The following ATAD2B variants were observed in gnomAD, a reference collection of about 807,000 sequenced individuals.
ATAD2B encodes ATPase family AAA domain-containing protein 2B.
A neutral mutation model predicts 167.6 loss-of-function variants in ATAD2B; 40 were observed. The observed-to-expected ratio is 0.24, with a 90% CI of 0.19 to 0.31. The LOEUF is 0.31. ATAD2B is among the 10% of genes least tolerant of loss of function. The pLI, the probability that ATAD2B is intolerant of heterozygous loss-of-function variation, is 1.00. For missense variants in ATAD2B, 1,242 were observed against 1,757.2 expected (o/e 0.71, Z 5.24); for synonymous variants, 579 against 596.5 (o/e 0.97, Z 0.43).
At chr2:23,799,585 AAAAAG>A (rs1485337280) in intron 18 of ATAD2B, among the ~76,000 whole-genome samples, 168 of 146,910 alleles carry the variant, frequency 1.1e-3, no homozygotes, top group Non-Finnish European at 1.4e-3. Flanking sequence ...AAAAAAAAAA[AAAAAG>A]AAAAGAAAAA....
At chr2:23,693,761 C>CT in the ATAD2B span, among the ~76,000 whole-genome samples, 1 of 152,232 alleles carries the variant, frequency 6.6e-6, no homozygotes, top group Non-Finnish European at 1.5e-5. Context: ...CACCTGCACT[C>CT]TGCAGGGAGA....
chr2:23,712,612 A>G, the ATAD2B span, among the ~76,000 whole-genome samples: 1 of 152,182 alleles, frequency 6.6e-6, no homozygotes, highest in East Asian at 1.9e-4. Context: ...AGGGAATATC[A>G]TGACCTTGGT....
At chr2:23,808,735 G>C (rs1463463715) in intron 18 of ATAD2B, among the ~76,000 whole-genome samples, 1 of 151,992 alleles carries the variant, frequency 6.6e-6, no homozygotes, top group Non-Finnish European at 1.5e-5. Flanking sequence ...ATCTCTCAAT[G>C]TCTAACTGAA....
At chr2:23,875,978 G>C in intron 7 of ATAD2B, 74 bp from the exon 8 acceptor site, 6 of 1,119,276 alleles carry the variant, frequency 5.4e-6, no homozygotes, top group Non-Finnish European at 7.8e-6. Flanking sequence ...GAGTAGAAAT[G>C]ACTTCTGCTC....
At chr2:23,690,518 A>G in the ATAD2B span, 1 of 152,294 alleles carries the variant, frequency 6.6e-6, no homozygotes, top group East Asian at 1.9e-4. Context: ...CGTCACAAGC[A>G]TCTTGCCCTG....
At chr2:23,727,462 G>A in the ATAD2B span, among the ~76,000 whole-genome samples, 1 of 152,194 alleles carries the variant, frequency 6.6e-6, no homozygotes, top group Non-Finnish European at 1.5e-5. Flanking sequence ...CACTGTTGGT[G>A]AGAATGCAAA....
At chr2:23,770,790 T>G (rs539567978) in intron 22 of ATAD2B, among the ~76,000 whole-genome samples, 8 of 152,338 alleles carry the variant, frequency 5.3e-5, no homozygotes, top group African/African-American at 1.2e-4. Flanking sequence ...TCCAGCTGTT[T>G]TTATTTTCCA....
At chr2:23,765,452 T>G in intron 23 of ATAD2B, 54 bp downstream of exon 23, 1 of 1,437,848 alleles carries the variant, frequency 7.0e-7, no homozygotes, top group Non-Finnish European at 9.3e-7. Context: ...CAAGTACTCT[T>G]GGCCTGAACA....
At chr2:23,701,033 T>TCTGA in the ATAD2B span, among the ~76,000 whole-genome samples, 15,088 of 152,168 alleles carry the variant, frequency 0.099, 840 homozygotes, top group Middle Eastern at 0.17. Context: ...CACCCAAATA[T>TCTGA]CTGACTGTCT....
At chr2:23,695,770 C>T in the ATAD2B span, 2 of 1,551,220 alleles carry the variant, frequency 1.3e-6, no homozygotes, top group Non-Finnish European at 1.7e-6. This position sits in a 1 kb window ranked among gnomAD's most constrained non-coding sequence, Gnocchi z 7.6. Flanking sequence ...TATGCTGCCC[C>T]ACGCCCGCCA....
At chr2:23,690,431 CCT>C in the ATAD2B span, 1 of 152,280 alleles carries the variant, frequency 6.6e-6, no homozygotes, top group African/African-American at 2.4e-5. Context: ...CAGCAGCTGG[CCT>C]CTCTGCGGCC....
chr2:23,858,417 A>G (rs568781896), intron 12 of ATAD2B, among the ~76,000 whole-genome samples: 1 of 151,782 alleles, frequency 6.6e-6, no homozygotes, highest in African/African-American at 2.4e-5. Flanking sequence ...CACCGCACTC[A>G]GCCTACACAT....
At chr2:23,792,986 A>AAAAAAC (rs1558540841) in intron 19 of ATAD2B, among the ~76,000 whole-genome samples, 18 of 150,318 alleles carry the variant, frequency 1.2e-4, no homozygotes, top group South Asian at 2.1e-4. Context: ...AAAAAAAAAA[A>AAAAAAC]AAAACTTGAG....
intron 24 of ATAD2B, among the ~76,000 whole-genome samples, chr2:23,760,699 T>TACAC (rs1238984150): frequency 0.062 from 7,649 of 123,418 alleles, 279 homozygotes; most frequent in Non-Finnish European, 0.081. Flanking sequence ...TTTATATATA[T>TACAC]ACACACACAC....
chr2:23,925,609 A>G (rs780981758), intron 1 of ATAD2B, among the ~76,000 whole-genome samples: 1 of 152,228 alleles, frequency 6.6e-6, no homozygotes, highest in African/African-American at 2.4e-5. Context: ...AAACAATCTC[A>G]TAGTAAAACA....
intron 17 of ATAD2B, among the ~76,000 whole-genome samples, chr2:23,817,494 T>C (rs923283115): frequency 1.3e-5 from 2 of 152,326 alleles, no homozygotes; most frequent in South Asian, 2.1e-4. Context: ...ACTTCTCCTG[T>C]GAAACCTTCC....
At chr2:23,727,052 AAAG>A in the ATAD2B span, among the ~76,000 whole-genome samples, 2 of 152,228 alleles carry the variant, frequency 1.3e-5, no homozygotes, top group African/African-American at 2.4e-5. Context: ...TTAAAAAACC[AAAG>A]AAGATCAAGG....
In ATAD2B at chr2:23,788,554, G is replaced by C; in HGVS notation, c.2734C>G (p.Leu912Val). Residue 912 changes from leucine (L) to valine (V), a missense_variant, in exon 20 of 28, where the codon CTC becomes GTC. Leu to Val is a conservative substitution (Grantham distance 32). Coordinates refer to ENST00000238789, the MANE Select transcript of ATAD2B (RefSeq NM_017552.4). ...DRRKFFQELI[L>V]NQASMAPPRR... Reference sequence around the variant, plus strand: ...GGTGGAGCCATTGATGCCTGATTGAGAATCAATTCTTGAAAAAATTTTCTT... The same window carrying C: ...GGTGGAGCCATTGATGCCTGATTGACAATCAATTCTTGAAAAAATTTTCTT... The C allele has an allele frequency of 1.2e-6, 2 of 1,613,182 alleles. No homozygotes were observed. Among genetic ancestry groups the C allele is most frequent in the Non-Finnish European group, 1.7e-6 (2 of 1,179,306 alleles).
At chr2:23,743,309 G>A in the ATAD2B span, among the ~76,000 whole-genome samples, 2 of 152,162 alleles carry the variant, frequency 1.3e-5, no homozygotes, top group East Asian at 1.9e-4. Context: ...GCTCATGCCT[G>A]TAATCCCAGC....
Sources: gnomAD v4.1 joint callset for allele counts (sites outside exome capture counted in the v4.1 genomes callset) on GRCh38, gnomAD v4.1.1 for gene constraint, Gnocchi (gnomAD v3.1) non-coding constraint, MANE v1.5 for transcripts, NCBI Gene and HGNC (gene_info 2026-07-23, HGNC 2026-07-21) for gene names.